Variants in MUC12 observed in about 807,000 individuals in gnomAD.
The protein encoded by MUC12 is mucin-12.
In MUC12, 172 loss-of-function variants were observed where a neutral mutation model predicts 230.8. The observed-to-expected ratio is 0.75, with a 90% CI of 0.66 to 0.85. MUC12 has a LOEUF of 0.85. Ranked by LOEUF, MUC12 falls within the 40% of genes least tolerant of loss-of-function variation. The probability of loss-of-function intolerance (pLI) is 0.00; values close to 1 mark genes in which losing one functional copy is unlikely to be tolerated. For synonymous variants in MUC12, 1,259 were observed against 2,401.9 expected, an observed-to-expected ratio of 0.52 and a Z score of 13.91; for missense variants, 3,506 against 5,920.6, an observed-to-expected ratio of 0.59 and a Z score of 13.38.
At chr7:100,984,719 C>G (rs1456594739) in intron 1 of MUC12, among the ~76,000 whole-genome samples, 1 of 152,162 alleles carries the variant, frequency 6.6e-6, no homozygotes, top group African/African-American at 2.4e-5. Context: ...TAAGTCCAGG[C>G]ATGATATGCA....
At chr7:101,007,873 C>T (rs1250062010) in intron 3 of MUC12, among the ~76,000 whole-genome samples, 1 of 150,776 alleles carries the variant, frequency 6.6e-6, no homozygotes, top group African/African-American at 2.4e-5. Context: ...TCTCGGCTTA[C>T]TGCAAGCTCC....
chr7:100,987,832 A>G (rs1402903024), intron 1 of MUC12, among the ~76,000 whole-genome samples: 2 of 152,128 alleles, frequency 1.3e-5, no homozygotes, highest in Non-Finnish European at 2.9e-5. Context: ...TTAGCCAGGC[A>G]TAGTGGTGCA....
At chr7:100,989,099 C>CTTTTTT (rs61570080) in intron 1 of MUC12, among the ~76,000 whole-genome samples, 2 of 134,006 alleles carry the variant, frequency 1.5e-5, no homozygotes, top group East Asian at 2.1e-4. Flanking sequence ...TCCTCTTCTT[C>CTTTTTT]TTTTTTTTTT....
At position 101,006,664 on chromosome 7, in the gene MUC12, A is replaced by C; in HGVS notation, c.15058+92A>C. ...TGTTGGAAGGATCAGCCACTGCCTC[A>C]CTTGCAGGTGGAGGAGGTGTGACTC... On this transcript the variant is annotated intron_variant, in intron 3 of 11. Coordinates refer to ENST00000536621, the MANE Select transcript of MUC12 (RefSeq NM_001164462.2). 4 of 844,690 alleles carry C rather than the reference A, an allele frequency of 4.7e-6. No individual in the cohort carries two copies. The South Asian group carries it at 5.8e-5, about 12-fold the overall frequency. 52.3% of individuals were successfully genotyped at this position (844,690 alleles called of 1,614,324 possible).
chr7:100,975,208 A>G (rs375436672), intron 1 of MUC12, among the ~76,000 whole-genome samples: 1 of 152,312 alleles, frequency 6.6e-6, no homozygotes, highest in Non-Finnish European at 1.5e-5. Flanking sequence ...TGGAACCACT[A>G]TCCTGTTTTA....
At chr7:101,005,851 G>A (rs4729637) in intron 2 of MUC12, among the ~76,000 whole-genome samples, 2 of 151,098 alleles carry the variant, frequency 1.3e-5, no homozygotes, top group Non-Finnish European at 2.9e-5. Flanking sequence ...AGGCTGGGGT[G>A]CAATGACATG....
chr7:101,016,634 C>T (rs1474891053), intron 10 of MUC12, among the ~76,000 whole-genome samples: 2 of 148,394 alleles, frequency 1.3e-5, no homozygotes, highest in Non-Finnish European at 3.0e-5. Context: ...ATTTTTTTTA[C>T]TCAAAAGGCC....
intron 1 of MUC12, among the ~76,000 whole-genome samples, chr7:100,980,379 C>T (rs1008233870): frequency 4.6e-5 from 7 of 152,124 alleles, no homozygotes; most frequent in Admixed American, 2.0e-4. Flanking sequence ...TTCAGATAAA[C>T]ATTGTTAACA....
chr7:100,972,298 G>GGCCCACGCCCC, intron 1 of MUC12: 5 of 688,682 alleles, frequency 7.3e-6, no homozygotes, highest in African/African-American at 1.7e-5. Context: ...GTGGATTTGT[G>GGCCCACGCCCC]TCCTGCGCCC....
Position 101,018,690 on chromosome 7 carries a change from C to G in MUC12, c.*54C>G. ...GCTCTGTTCAGGAGAGCTGCAAACA[C>G]AGAGCCCACCACAAGCCTCCGGGGC... is the stretch of plus-strand genomic sequence containing the variant. On this transcript the variant is annotated 3_prime_UTR_variant, in exon 12 of 12. Transcript: ENST00000536621. 6.7e-7 allele frequency: 1 copy of G among 1,500,858 alleles called. No individual in the cohort carries two copies. The highest frequency in any genetic ancestry group is 8.9e-7 in the Non-Finnish European group (1 of 1,122,510). 93.0% of individuals were successfully genotyped at this position (1,500,858 alleles called of 1,614,324 possible).
At chr7:101,008,839 T>C in intron 4 of MUC12, 78 bp downstream of exon 4, 1 of 1,468,342 alleles carries the variant, frequency 6.8e-7, no homozygotes, top group Non-Finnish European at 9.0e-7. Context: ...CCCAACTTAG[T>C]GATCTGAGTT....
chr7:100,982,192 G>T (rs981819941), intron 1 of MUC12, among the ~76,000 whole-genome samples: 1 of 152,042 alleles, frequency 6.6e-6, no homozygotes, highest in Admixed American at 6.6e-5. Flanking sequence ...CTAAGGCACA[G>T]TTGGGATCAT....
intron 1 of MUC12, among the ~76,000 whole-genome samples, chr7:100,973,831 C>T (rs1792963565): frequency 6.6e-6 from 1 of 151,624 alleles, no homozygotes; most frequent in Non-Finnish European, 1.5e-5. Context: ...CCAGCCTGGG[C>T]AATGTAGTGA....
intron 1 of MUC12, among the ~76,000 whole-genome samples, chr7:100,975,170 G>T (rs1478518503): frequency 2.6e-5 from 4 of 152,302 alleles, no homozygotes; most frequent in African/African-American, 4.8e-5. Flanking sequence ...GAAAATGCCA[G>T]AAAAATGCCA....
Position 100,991,609 on chromosome 7 carries a change from C to T in MUC12, c.1046C>T (p.Ser349Phe). ...GCAACAACACCCCCACCTGCCCGCT[C>T]CGCGACCTCAGGCCATGTTGAAGAA... ...ATATTPPPAR[S>F]ATSGHVEEST... The change falls in exon 2 of 12, where the codon TCC becomes TTC. Residue 349 changes from serine (S) to phenylalanine (F), a missense_variant. Coordinates refer to ENST00000536621, the MANE Select transcript of MUC12 (RefSeq NM_001164462.2). The T allele has an allele frequency of 2.0e-6, 3 of 1,537,008 alleles. No homozygotes were observed. Among genetic ancestry groups the T allele is most frequent in the Non-Finnish European group, 1.7e-6 (2 of 1,146,394 alleles).
chr7:101,010,110 C>A (rs1793817719), intron 5 of MUC12, among the ~76,000 whole-genome samples: 1 of 151,926 alleles, frequency 6.6e-6, no homozygotes, highest in East Asian at 1.9e-4. Flanking sequence ...ACCAGCAGAC[C>A]TGGGATTTGC....
At chr7:100,982,461 G>A (rs1208531069) in intron 1 of MUC12, among the ~76,000 whole-genome samples, 1 of 150,108 alleles carries the variant, frequency 6.7e-6, no homozygotes, top group Non-Finnish European at 1.5e-5. Context: ...TTTAGAAACA[G>A]GGTCTTGCTC....
intron 1 of MUC12, among the ~76,000 whole-genome samples, chr7:100,974,134 G>A (rs1055996022): frequency 2.6e-5 from 4 of 152,212 alleles, no homozygotes; most frequent in Admixed American, 2.6e-4. Context: ...GGGTGACAGA[G>A]TGAGGCCCTG....
chr7:100,987,059 G>GTTTTT, intron 1 of MUC12, among the ~76,000 whole-genome samples: 1 of 110,590 alleles, frequency 9.0e-6, no homozygotes, highest in African/African-American at 3.7e-5. Context: ...CCAAGATAAT[G>GTTTTT]GTTTTTTTTT....
Sources: allele counts gnomAD v4.1 joint callset (sites outside exome capture counted in the v4.1 genomes callset), GRCh38; gene constraint gnomAD v4.1.1; transcripts MANE v1.5; gene names NCBI Gene and HGNC (gene_info 2026-07-23, HGNC 2026-07-21).